DAPK3: variants seen among roughly 807,000 people sequenced by gnomAD.
DAPK3 encodes death associated protein kinase 3.
Under a neutral mutation model 30.6 loss-of-function variants are expected in DAPK3, and 24 were observed. The observed-to-expected ratio is 0.78, with a 90% CI of 0.57 to 1.10. DAPK3 has a LOEUF of 1.10. Ranked by LOEUF, DAPK3 falls within the 50% of genes least tolerant of loss-of-function variation. The probability of loss-of-function intolerance (pLI) is 0.00; values close to 1 mark genes in which losing one functional copy is unlikely to be tolerated. For missense variants in DAPK3, 629 were observed against 657.3 expected, an observed-to-expected ratio of 0.96 and a Z score of 0.47; for synonymous variants, 341 against 284.0, an observed-to-expected ratio of 1.20 and a Z score of -2.02.
chr19:3,968,140 T>C (rs1179452116), intron 2 of DAPK3, among the ~76,000 whole-genome samples: 6 of 152,210 alleles, frequency 3.9e-5, no homozygotes, highest in Non-Finnish European at 4.4e-5. Context: ...GCCTGGTTCT[T>C]TTTACAAGCT....
chr19:3,964,901 G>A lies in DAPK3; in HGVS notation c.153C>T (p.Ser51=). The change falls in exon 3 of 9, where the codon TCC becomes TCT. Residue 51 remains serine (S), a synonymous_variant. Coordinates refer to ENST00000545797, the MANE Select transcript of DAPK3 (RefSeq NM_001348.3). ...AKFIKKRRLS[S]SRRGVSREEI... is the part of the protein sequence containing the mutation. ...CCTCCCGGCTCACCCCACGCCGGCT[G>A]GATGACAGGCGGCGCTTCTTGATGA... 2 of 1,612,252 alleles carry A rather than the reference G, an allele frequency of 1.2e-6. No homozygotes were observed. Among genetic ancestry groups the A allele is most frequent in the Non-Finnish European group, 1.7e-6 (2 of 1,178,396 alleles).
At chr19:3,969,250 C>T (rs1027830052) in intron 2 of DAPK3, among the ~76,000 whole-genome samples, 3 of 152,170 alleles carry the variant, frequency 2.0e-5, no homozygotes, top group African/African-American at 4.8e-5. Context: ...GCCATCCTCC[C>T]GTCTCAGCTT....
rs1185648707 is a variant in DAPK3, at chr19:3,958,488, A to T, written c.*613T>A. ...CCAGTATTTTATTTCTCTTGGCTGC[A>T]GAGGGCCGCTCTTGCCTAGGCGTCC... On this transcript the variant is annotated 3_prime_UTR_variant, in exon 9 of 9. Transcript: ENST00000545797. 2.2e-6 allele frequency: 1 copy of T among 456,530 alleles called. No individual in the cohort carries two copies. Among genetic ancestry groups the T allele is most frequent in the Non-Finnish European group, 4.4e-6 (1 of 227,136 alleles). The allele number at this position is 456,530 out of a possible 1,614,324, so 28.3% of individuals were successfully genotyped here.
chr19:3,958,905 A>C lies in DAPK3; in HGVS notation c.*196T>G. ...GAAGGCCAGCGTGGAGGCTGTGTAG[A>C]GAAGCAGCCCCGTCCCACACCCACC... On this transcript the variant is annotated 3_prime_UTR_variant, in exon 9 of 9. Transcript: ENST00000545797. 1 of 583,114 alleles carries C rather than the reference A, an allele frequency of 1.7e-6. No individual in the cohort carries two copies. The highest frequency in any genetic ancestry group is 2.1e-5 in the South Asian group (1 of 48,014). 36.1% of individuals were successfully genotyped at this position (583,114 alleles called of 1,614,324 possible).
At position 3,964,660 on chromosome 19, in the gene DAPK3, A is replaced by C. The variant is rs746080627; in HGVS notation, c.394T>G (p.Ser132Ala). 6.3e-7 allele frequency: 1 copy of C among 1,586,836 alleles called. No homozygotes were observed. Among genetic ancestry groups the C allele is most frequent in the Admixed American group, 1.7e-5 (1 of 58,794 alleles). Residue 132 changes from serine (S) to alanine (A), a missense_variant, in exon 3 of 9, where the codon TCT becomes GCT. Ser to Ala is a moderately conservative substitution (Grantham distance 99). Around this residue, in one of 2 missense-constraint regions of DAPK3, gnomAD observed 306 missense variants for 378.5 expected, o/e 0.81. Transcript: ENST00000545797. ...AGGTCAAAGTGTGCGATGCGCTTAGAGTGCAGGTAGTGAACGCCGTCCAGG... is the reference window on the plus strand; with the variant it reads ...AGGTCAAAGTGTGCGATGCGCTTAGCGTGCAGGTAGTGAACGCCGTCCAGG... ...QILDGVHYLHSKRIAHFDLKP... is the reference protein window; with the variant it reads ...QILDGVHYLHAKRIAHFDLKP...
In DAPK3 at chr19:3,964,266, G is replaced by A. The variant is rs2039550409; in HGVS notation, c.531C>T (p.Ile177=). The change falls in exon 4 of 9, where the codon ATC becomes ATT. Residue 177 remains isoleucine (I), a synonymous_variant. Transcript: ENST00000545797. The stretch of plus-strand genomic sequence containing the variant: ...CACCCACAAACTCCGGGGTGCCGAA[G>A]ATGTTCTTGAACTCGTTCCCCGCCT... The part of the protein sequence containing the change: ...KIEAGNEFKN[I]FGTPEFVAPE... The A allele has an allele frequency of 2.5e-6, 4 of 1,613,256 alleles. No individual in the cohort carries two copies. The highest frequency in any genetic ancestry group is 3.4e-6 in the Non-Finnish European group (4 of 1,179,356).
rs1357083033 is a variant in DAPK3, at chr19:3,961,336, G to A, written c.630-175C>T. Reference sequence around the variant, plus strand: ...TGCAACGATCCCAGACACCACCCAAGAGGCATTCAAAATCCACCCCCCCAC... The same window carrying A: ...TGCAACGATCCCAGACACCACCCAAAAGGCATTCAAAATCCACCCCCCCAC... On this transcript the variant is annotated intron_variant, in intron 6 of 8. Coordinates refer to ENST00000545797, the MANE Select transcript of DAPK3 (RefSeq NM_001348.3). The A allele has an allele frequency of 1.1e-5, 8 of 739,880 alleles. No homozygotes were observed. In the Admixed American group the frequency reaches 1.4e-4, roughly 13 times the overall value. 45.8% of individuals were successfully genotyped at this position (739,880 alleles called of 1,614,324 possible).
intron 7 of DAPK3, among the ~76,000 whole-genome samples, chr19:3,960,704 G>A (rs777833082): frequency 2.0e-5 from 3 of 151,400 alleles, no homozygotes; most frequent in Non-Finnish European, 2.9e-5. Flanking sequence ...GCCTGAACCC[G>A]GGAGGCAGAG....
In DAPK3 at chr19:3,959,610, C is replaced by T. The variant is rs761336141; in HGVS notation, c.856G>A (p.Glu286Lys). The T allele has an allele frequency of 1.9e-6, 3 of 1,584,470 alleles. No individual in the cohort carries two copies. The highest frequency in any genetic ancestry group is 2.7e-5 in the African/African-American group (2 of 74,754). ...KAIRRRNVRGEDSGRKPERRR... is the reference protein window; with the variant it reads ...KAIRRRNVRGKDSGRKPERRR... ...CGCTCGGGCTTGCGGCCGCTGTCCT[C>T]ACCACGCACGTTCCGCCGCCGGATC... Residue 286 changes from glutamate to lysine, a missense_variant, in exon 9 of 9, where the codon GAG becomes AAG. This residue lies in a region of DAPK3 where 323 missense variants were observed against 278.8 expected (regional missense o/e 1.16). Transcript: ENST00000545797.
At position 3,960,117 on chromosome 19, in the gene DAPK3, C is replaced by T. The variant is rs372068372; in HGVS notation, c.783-13G>A. ...GGTCATTCTCCGCCTGGAAGACCCC[C>T]GCTCTGGTTAGGTACACCTGCACCA... On this transcript the variant is annotated splice_polypyrimidine_tract_variant and intron_variant, in intron 7 of 8. Coordinates refer to ENST00000545797, the MANE Select transcript of DAPK3 (RefSeq NM_001348.3). The T allele has an allele frequency of 9.7e-5, 145 of 1,499,794 alleles. No individual in the cohort carries two copies. Among genetic ancestry groups the T allele is most frequent in the Non-Finnish European group, 1.2e-4 (133 of 1,076,224 alleles). 92.9% of individuals were successfully genotyped at this position (1,499,794 alleles called of 1,614,324 possible).
chr19:3,968,118 G>A (rs539155790), intron 2 of DAPK3, among the ~76,000 whole-genome samples: 11 of 152,100 alleles, frequency 7.2e-5, no homozygotes, highest in Non-Finnish European at 7.4e-5. Flanking sequence ...GGAAGCCGCC[G>A]CACCTGGCCC....
In DAPK3 at chr19:3,959,451, G is replaced by A. The variant is rs774246128; in HGVS notation, c.1015C>T (p.Leu339=). The part of the protein sequence containing the change: ...LEEAAAAEEG[L]RELQRSRRLC... ...CGCCGGCTGCGCTGCAGCTCGCGCA[G>A]GCCCTCCTCGGCGGCCGCCGCCTCC... Residue 339 remains leucine, a synonymous_variant, in exon 9 of 9, where the codon CTG becomes TTG. Coordinates refer to ENST00000545797, the MANE Select transcript of DAPK3 (RefSeq NM_001348.3). The A allele has an allele frequency of 1.6e-5, 24 of 1,546,494 alleles. No individual in the cohort carries two copies. The East Asian group carries it at 2.4e-4, about 15-fold the overall frequency.
chr19:3,963,941 G>T, intron 4 of DAPK3, 22 bp from the exon 5 acceptor site: 1 of 1,544,212 alleles, frequency 6.5e-7, no homozygotes, highest in Non-Finnish European at 8.9e-7. Flanking sequence ...GGAGATGTGG[G>T]TCAGGCACTG....
At chr19:3,963,781 G>T in intron 5 of DAPK3, 90 bp downstream of exon 5, 1 of 1,235,166 alleles carries the variant, frequency 8.1e-7, no homozygotes. Flanking sequence ...TACCCCAACA[G>T]CAGCAAGGCC....
At position 3,958,741 on chromosome 19, in the gene DAPK3, A is replaced by G. The variant is rs1599174644; in HGVS notation, c.*360T>C. 2.3e-6 allele frequency: 1 copy of G among 442,736 alleles called. No homozygotes were observed. The highest frequency in any genetic ancestry group is 4.2e-6 in the Non-Finnish European group (1 of 236,986). 27.4% of individuals were successfully genotyped at this position (442,736 alleles called of 1,614,324 possible). A position where few individuals can be genotyped will look rare whatever the true frequency, so the allele number is the denominator to read the frequency against. The stretch of plus-strand genomic sequence containing the variant: ...ACCCCGCCGAATTGTCCGTGCAACT[A>G]CCCGCAAACCCTCCTCCGGGCCTGA... On this transcript the variant is annotated 3_prime_UTR_variant, in exon 9 of 9. Transcript: ENST00000545797.
At position 3,958,637 on chromosome 19, in the gene DAPK3, T is replaced by G. The variant is rs2039466421; in HGVS notation, c.*464A>C. 2.5e-6 allele frequency: 1 copy of G among 397,856 alleles called. No individual in the cohort carries two copies. The highest frequency in any genetic ancestry group is 2.1e-5 in the African/African-American group (1 of 48,582). The allele number at this position is 397,856 out of a possible 1,614,324, so 24.6% of individuals were successfully genotyped here. A position where few individuals can be genotyped will look rare whatever the true frequency, so the allele number is the denominator to read the frequency against. The stretch of plus-strand genomic sequence containing the variant: ...CCAAGCCCGGCGCCACCCAGCAGCG[T>G]GGGGACTGCCTGTCCGCCGTCCATC... On this transcript the variant is annotated 3_prime_UTR_variant, in exon 9 of 9. Transcript: ENST00000545797.
Position 3,959,785 on chromosome 19 carries a change from C to T in DAPK3, c.829-148G>A, listed in dbSNP as rs1025949648. On this transcript the variant is annotated intron_variant, in intron 8 of 8. Coordinates refer to ENST00000545797, the MANE Select transcript of DAPK3 (RefSeq NM_001348.3). Reference sequence around the variant, plus strand: ...GAGACTGCCCAGCCCGACGCAAAGCCGAGAGTGCTCTCTCGAGAAAAACGC... The same window carrying T: ...GAGACTGCCCAGCCCGACGCAAAGCTGAGAGTGCTCTCTCGAGAAAAACGC... 23 of 944,228 alleles carry T rather than the reference C, an allele frequency of 2.4e-5. No homozygotes were observed. In the Admixed American group the frequency reaches 5.2e-4, roughly 21 times the overall value. The allele number at this position is 944,228 out of a possible 1,614,324, so 58.5% of individuals were successfully genotyped here.
intron 6 of DAPK3, 193 bp from the exon 7 acceptor site, chr19:3,961,354 C>A (rs565106219): frequency 2.8e-6 from 2 of 726,524 alleles, no homozygotes; most frequent in East Asian, 2.7e-5. Flanking sequence ...CAAAATCCAC[C>A]CCCCCACCCC....
At chr19:3,961,186 G>A (rs2039507284) in intron 6 of DAPK3, 25 bp from the exon 7 acceptor site, 1 of 1,600,584 alleles carries the variant, frequency 6.2e-7, no homozygotes. Context: ...TGGGGGCTCA[G>A]TGGGGTCCTG....
Sources: gnomAD v4.1 joint callset for allele counts (sites outside exome capture counted in the v4.1 genomes callset) on GRCh38, gnomAD v4.1.1 for gene constraint, gnomAD v4.1.1 regional missense constraint, MANE v1.5 for transcripts, NCBI Gene and HGNC (gene_info 2026-07-23, HGNC 2026-07-21) for gene names.